The following PARD3 variants were observed in gnomAD, a reference collection of about 807,000 sequenced individuals.
The protein encoded by PARD3 is partitioning defective 3 homolog.
PARD3 carries 75 observed loss-of-function variants against 155.4 expected under a neutral mutation model. The observed-to-expected ratio is 0.48, with a 90% CI of 0.40 to 0.58. The LOEUF is 0.58. Ranked by LOEUF, PARD3 falls within the 20% of genes least tolerant of loss-of-function variation. The pLI is 0.00. For synonymous variants in PARD3, 576 were observed against 610.5 expected (o/e 0.94, Z 0.83); for missense variants, 1,642 against 1,721.7 (o/e 0.95, Z 0.82).
At chr10:34,538,232 G>C (rs1389557844) in intron 2 of PARD3, among the ~76,000 whole-genome samples, 1 of 152,224 alleles carries the variant, frequency 6.6e-6, no homozygotes, top group Admixed American at 6.5e-5. Flanking sequence ...AATTCGGTAA[G>C]TTAGGGTTCC....
rs1175316422 is a variant in PARD3 at position 34,373,363 on chromosome 10, GAAGAACCTGAATAACCTT to G, written c.1669-845_1669-828del. On this transcript the variant is annotated intron_variant, in intron 11 of 24. Transcript: ENST00000374788. ...AGCCTGGAAGATCAAAATTGGACAAGAAGAACCTGAATAACCTTAAGCTGGCTATATGCTGGCACTAAC... is the reference window on the plus strand; with the variant it reads ...AGCCTGGAAGATCAAAATTGGACAAGAAGCTGGCTATATGCTGGCACTAAC... Among the ~76,000 whole-genome samples, 7 of 151,832 alleles carry G rather than the reference GAAGAACCTGAATAACCTT, an allele frequency of 4.6e-5. No individual in the cohort carries two copies. The East Asian group carries it at 1.4e-3, about 29-fold the overall frequency.
In PARD3 at chr10:34,111,428, C is replaced by T. The variant is rs764909175; in HGVS notation, c.3803G>A (p.Gly1268Glu). The T allele has an allele frequency of 6.2e-7, 1 of 1,614,192 alleles. No individual in the cohort carries two copies. Among genetic ancestry groups the T allele is most frequent in the Non-Finnish European group, 8.5e-7 (1 of 1,180,038 alleles). The change falls in exon 25 of 25, where the codon GGA (glycine) becomes GAA (glutamate). Residue 1268 changes from glycine (G) to glutamate (E), a missense_variant. Around this residue, in one of 3 missense-constraint regions of PARD3, gnomAD observed 1,529 missense variants for 1,587.3 expected, o/e 0.96. Transcript: ENST00000374788. ...SYQGSRNGYLGGHGFNARVML... is the reference protein window; with the variant it reads ...SYQGSRNGYLEGHGFNARVML... ...GACCCTGGCGTTGAAGCCATGTCCT[C>T]CCAGGTAGCCGTTCCTGGAGCCTTG...
chr10:34,418,954 A>G (rs1165214588), intron 5 of PARD3, among the ~76,000 whole-genome samples: 1 of 151,980 alleles, frequency 6.6e-6, no homozygotes, highest in Non-Finnish European at 1.5e-5. Flanking sequence ...TATTTTCTGC[A>G]GGGAAAAGGT....
intron 2 of PARD3, among the ~76,000 whole-genome samples, chr10:34,562,082 C>T (rs1198235101): frequency 1.5e-4 from 20 of 135,892 alleles, no homozygotes; most frequent in Non-Finnish European, 2.6e-4. Flanking sequence ...ACCGAGATCA[C>T]GCCACTACAC....
At chr10:34,621,422 C>T (rs2091670411) in intron 2 of PARD3, among the ~76,000 whole-genome samples, 1 of 152,132 alleles carries the variant, frequency 6.6e-6, no homozygotes, top group Admixed American at 6.5e-5. Context: ...GTCTCAAACT[C>T]CTGACCTCAA....
intron 2 of PARD3, among the ~76,000 whole-genome samples, chr10:34,664,667 G>A (rs1015176683): frequency 6.6e-6 from 1 of 152,042 alleles, no homozygotes; most frequent in Non-Finnish European, 1.5e-5. Flanking sequence ...TGTATTTTTA[G>A]TAGAGACAGG....
chr10:34,532,379 A>C (rs2082919737), intron 2 of PARD3, among the ~76,000 whole-genome samples: 1 of 152,150 alleles, frequency 6.6e-6, no homozygotes, highest in African/African-American at 2.4e-5. Context: ...AAGTTGTTCA[A>C]GGGTCAACTA....
intron 19 of PARD3, among the ~76,000 whole-genome samples, chr10:34,321,946 T>A (rs1306706450): frequency 6.6e-6 from 1 of 152,158 alleles, no homozygotes; most frequent in Admixed American, 6.5e-5. Context: ...AGCCTCAAGG[T>A]CATTAGAGTC....
chr10:34,320,526 A>G (rs895680098), intron 19 of PARD3, among the ~76,000 whole-genome samples: 6 of 152,222 alleles, frequency 3.9e-5, no homozygotes, highest in African/African-American at 1.4e-4. Context: ...TAGTTTTGGC[A>G]GAAGTTCAAG....
At chr10:34,258,726 G>C (rs1954792491) in intron 22 of PARD3, among the ~76,000 whole-genome samples, 2 of 152,096 alleles carry the variant, frequency 1.3e-5, no homozygotes, top group Non-Finnish European at 2.9e-5. Flanking sequence ...CAAAACCTAA[G>C]AGGAAAAAGT....
intron 11 of PARD3, among the ~76,000 whole-genome samples, chr10:34,374,527 T>C (rs1394077874): frequency 2.0e-5 from 3 of 152,188 alleles, no homozygotes; most frequent in Admixed American, 1.3e-4. Context: ...GTGTGGAAGA[T>C]GGCAAGCTTT....
intron 22 of PARD3, among the ~76,000 whole-genome samples, chr10:34,164,711 A>C (rs1049233148): frequency 2.0e-5 from 3 of 152,324 alleles, no homozygotes; most frequent in African/African-American, 7.2e-5. Flanking sequence ...CCTGTGCAGA[A>C]ACAATGTAAA....
At chr10:34,792,278 T>A (rs114024416) in intron 1 of PARD3, among the ~76,000 whole-genome samples, 2,361 of 152,106 alleles carry the variant, frequency 0.016, 69 homozygotes, top group African/African-American at 0.054. Context: ...AAGTACAAGG[T>A]CTCGCTGTGT....
chr10:34,472,618 C>A (rs1056565857), intron 3 of PARD3, among the ~76,000 whole-genome samples: 4 of 152,154 alleles, frequency 2.6e-5, no homozygotes, highest in Non-Finnish European at 4.4e-5. Context: ...CCTCTGTACA[C>A]CTCCATTTCT....
chr10:34,772,997 T>C (rs1839087593), intron 1 of PARD3, among the ~76,000 whole-genome samples: 2 of 152,166 alleles, frequency 1.3e-5, no homozygotes, highest in South Asian at 4.1e-4. Flanking sequence ...GCTACATCCA[T>C]TTACACAGCA....
intron 2 of PARD3, among the ~76,000 whole-genome samples, chr10:34,518,145 C>A (rs1439828365): frequency 6.6e-6 from 1 of 152,238 alleles, no homozygotes; most frequent in Non-Finnish European, 1.5e-5. Context: ...TCCCAAAGTG[C>A]TGGGATTACA....
At chr10:34,448,134 CGTGTGTGTGT>C (rs35325584) in intron 5 of PARD3, among the ~76,000 whole-genome samples, 8 of 147,042 alleles carry the variant, frequency 5.4e-5, no homozygotes, top group Non-Finnish European at 9.0e-5. Context: ...ATATACACTG[CGTGTGTGTGT>C]GTGTGTGTGT....
chr10:34,180,342 G>A (rs1464199300), intron 22 of PARD3, among the ~76,000 whole-genome samples: 2 of 152,066 alleles, frequency 1.3e-5, no homozygotes, highest in African/African-American at 2.4e-5. Context: ...AATGCGCCTG[G>A]ACCCCTTCAA....
Position 34,384,190 on chromosome 10 carries a change from G to A in PARD3, c.955C>T (p.Arg319Cys), listed in dbSNP as rs746189923. 86 of 1,613,380 alleles carry A rather than the reference G, an allele frequency of 5.3e-5. No individual in the cohort carries two copies. Among genetic ancestry groups the A allele is most frequent in the Non-Finnish European group, 6.8e-5 (80 of 1,179,632 alleles). ...GGKAEHENLFRENDCIVRIND... is the reference protein window; with the variant it reads ...GGKAEHENLFCENDCIVRIND... ...ATCCTGACAATGCAATCATTCTCACGAAAAAGATTTTCATGTTCAGCTTTA... is the reference window on the plus strand; with the variant it reads ...ATCCTGACAATGCAATCATTCTCACAAAAAAGATTTTCATGTTCAGCTTTA... Residue 319 changes from arginine to cysteine, a missense_variant, in exon 8 of 25, where the codon CGT becomes TGT. Arg to Cys is a radical substitution (Grantham distance 180). Coordinates refer to ENST00000374788, the MANE Select transcript of PARD3 (RefSeq NM_001184785.2).
Sources: allele counts gnomAD v4.1 joint callset (sites outside exome capture counted in the v4.1 genomes callset), GRCh38; gene constraint gnomAD v4.1.1; regional missense constraint gnomAD v4.1.1; transcripts MANE v1.5; gene names NCBI Gene and HGNC (gene_info 2026-07-23, HGNC 2026-07-21).